DNAI7: variants seen among roughly 807,000 people sequenced by gnomAD.
DNAI7 encodes cancer susceptibility 1.
DNAI7 carries 78 observed loss-of-function variants against 86.6 expected under a neutral mutation model. The ratio of observed to expected loss-of-function variants is 0.90; its 90% CI spans 0.75 to 1.09. The LOEUF is 1.09. DNAI7 is among the 50% of genes least tolerant of loss of function. The pLI, the probability that DNAI7 is intolerant of heterozygous loss-of-function variation, is 0.00. For synonymous variants in DNAI7, 274 were observed against 273.0 expected (o/e 1.00, Z -0.04); for missense variants, 753 against 810.2 (o/e 0.93, Z 0.86).
intron 1 of DNAI7, among the ~76,000 whole-genome samples, chr12:25,193,265 C>T (rs1950699078): frequency 6.6e-6 from 1 of 152,078 alleles, no homozygotes; most frequent in African/African-American, 2.4e-5. Context: ...TAAGATGAAG[C>T]CATACTGAAT....
intron 2 of DNAI7, among the ~76,000 whole-genome samples, chr12:25,169,317 C>T (rs1050767151): frequency 6.6e-6 from 1 of 152,036 alleles, no homozygotes; most frequent in Non-Finnish European, 1.5e-5. Flanking sequence ...ACCTTGTGAC[C>T]CCCACTCCTG....
At chr12:25,117,696 G>T (rs1248661267) in intron 12 of DNAI7, among the ~76,000 whole-genome samples, 1 of 151,982 alleles carries the variant, frequency 6.6e-6, no homozygotes, top group East Asian at 1.9e-4. Context: ...TTTTGAATAA[G>T]CAATAATGTC....
chr12:25,174,371 G>GA (rs1565809786), intron 2 of DNAI7, among the ~76,000 whole-genome samples: 6,178 of 6,794 alleles, frequency 0.91, 2,971 homozygotes, highest in Middle Eastern at 1. Flanking sequence ...CCATATATAT[G>GA]TTATATCATA....
At chr12:25,148,002 G>C (rs894130881) in intron 7 of DNAI7, among the ~76,000 whole-genome samples, 13 of 152,148 alleles carry the variant, frequency 8.5e-5, no homozygotes, top group African/African-American at 3.1e-4. Context: ...GGAATCAGCT[G>C]TCATAAAGGG....
In DNAI7 at chr12:25,121,859, T is replaced by C; in HGVS notation, c.1133A>G (p.Asn378Ser). The C allele has an allele frequency of 1.3e-6, 2 of 1,595,170 alleles. No individual in the cohort carries two copies. Among genetic ancestry groups the C allele is most frequent in the East Asian group, 2.2e-5 (1 of 44,518 alleles). ...SSEKPDFFED[N>S]VVDLCQFTTL... ...TGTGAACTGGCATAAATCCACCACATTGTCTTCAAAGAAATCTGGCTTTTC... is the reference window on the plus strand; with the variant it reads ...TGTGAACTGGCATAAATCCACCACACTGTCTTCAAAGAAATCTGGCTTTTC... Residue 378 changes from asparagine (N) to serine (S), a missense_variant, in exon 11 of 16, where the codon AAT (asparagine) becomes AGT (serine). By Grantham distance (46) the Asn-to-Ser change is conservative. Coordinates refer to ENST00000395987, the MANE Select transcript of DNAI7 (RefSeq NM_018272.5).
intron 7 of DNAI7, among the ~76,000 whole-genome samples, chr12:25,147,482 C>CCT (rs1555170140): frequency 7.3e-5 from 11 of 150,640 alleles, no homozygotes; most frequent in Admixed American, 2.0e-4. Context: ...TGAGACCACC[C>CCT]CCATCTCTAC....
rs542800799 is a variant in DNAI7, at chr12:25,168,581, G to A, written c.22-7384C>T. On this transcript the variant is annotated intron_variant, in intron 2 of 15. Coordinates refer to ENST00000395987, the MANE Select transcript of DNAI7 (RefSeq NM_018272.5). Reference sequence around the variant, plus strand: ...GCAGTTGTCCTCCAAAACCGCCGAGGCCTTGACTTACTCACTGCTGAAAAA... The same window carrying A: ...GCAGTTGTCCTCCAAAACCGCCGAGACCTTGACTTACTCACTGCTGAAAAA... Among the ~76,000 whole-genome samples, 14 of 152,270 alleles carry A rather than the reference G, an allele frequency of 9.2e-5. No homozygotes were observed. In the East Asian group the frequency reaches 2.1e-3, roughly 23 times the overall value.
chr12:25,108,824 C>CAAAAAAAAAAAAAAAAAAAAAAA lies in DNAI7; in HGVS notation c.1894-2_1894-1insTTTTTTTTTTTTTTTTTTTTTTT. 6 of 113,408 alleles carry CAAAAAAAAAAAAAAAAAAAAAAA rather than the reference C, an allele frequency of 5.3e-5. No homozygotes were observed. The highest frequency in any genetic ancestry group is 1.0e-3 in the South Asian group (2 of 1,916). 7.0% of individuals were successfully genotyped at this position (113,408 alleles called of 1,614,324 possible). On this transcript the variant is annotated splice_acceptor_variant, in intron 15 of 15. Coordinates refer to ENST00000395987, the MANE Select transcript of DNAI7 (RefSeq NM_018272.5). LOFTEE classifies it high-confidence loss of function. ...ATGCTTCAGTAAGGTGTTCCCTCAC[C>CAAAAAAAAAAAAAAAAAAAAAAA]TAAAAAAAAAAAAAATTCAAGCAAG...
rs1950605036 is a variant in DNAI7 at position 25,192,385 on chromosome 12, G to GTGAATT, written c.4-1755_4-1754insAATTCA. On this transcript the variant is annotated intron_variant, in intron 1 of 15. Coordinates refer to ENST00000395987, the MANE Select transcript of DNAI7 (RefSeq NM_018272.5). ...TATATGTCATAATAGCCACTATGTA[G>GTGAATT]TGAAGTAGTTCTCAAAGTTCAGAGG... 1.3e-5 allele frequency among the ~76,000 whole-genome samples: 2 copies of GTGAATT among 152,188 alleles called. 1 individual carries two copies. The highest frequency in any genetic ancestry group is 1.3e-4 in the Admixed American group (2 of 15,272).
At chr12:25,144,962 C>T (rs749903475) in intron 8 of DNAI7, among the ~76,000 whole-genome samples, 1 of 152,146 alleles carries the variant, frequency 6.6e-6, no homozygotes, top group African/African-American at 2.4e-5. Context: ...TGATATTACT[C>T]AGTGCTCCAT....
At position 25,121,879 on chromosome 12, in the gene DNAI7, C is replaced by CT; in HGVS notation, c.1112dup (p.Pro372AlafsTer5). 1 of 1,591,544 alleles carries CT rather than the reference C, an allele frequency of 6.3e-7. No homozygotes were observed. The highest frequency in any genetic ancestry group is 1.4e-5 in the African/African-American group (1 of 73,542). On this transcript the variant is annotated frameshift_variant, in exon 11 of 16. Coordinates refer to ENST00000395987, the MANE Select transcript of DNAI7 (RefSeq NM_018272.5). LOFTEE classifies it high-confidence loss of function. The stretch of plus-strand genomic sequence containing the variant: ...CCACATTGTCTTCAAAGAAATCTGG[C>CT]TTTTCAGAAGAATTCTCTACCAGCA...
chr12:25,124,032 TTGTGTGTG>T (rs57454187), intron 9 of DNAI7, among the ~76,000 whole-genome samples: 5 of 144,574 alleles, frequency 3.5e-5, no homozygotes, highest in African/African-American at 7.5e-5. Flanking sequence ...AGTATAAAAA[TTGTGTGTG>T]TGTGTGTGTG....
In DNAI7 at chr12:25,169,434, G is replaced by C. The variant is rs544662220; in HGVS notation, c.22-8237C>G. On this transcript the variant is annotated intron_variant, in intron 2 of 15. Transcript: ENST00000395987. The stretch of plus-strand genomic sequence containing the variant: ...TTCGCTGACTCTCTTTTCGGACTCA[G>C]CCTACCTGCATCCAGGTGATTAAAA... Among the ~76,000 whole-genome samples the C allele has an allele frequency of 2.0e-5, 3 of 152,252 alleles. No homozygotes were observed. The East Asian group carries it at 5.8e-4, about 29-fold the overall frequency.
At chr12:25,107,078 C>T (rs373736527), downstream of DNAI7, 48 of 1,299,520 alleles carry the variant, frequency 3.7e-5, no homozygotes, top group Non-Finnish European at 5.2e-5. Context: ...TAAATTCTAC[C>T]ATTTTAGTGG....
In DNAI7 at chr12:25,182,369, C is replaced by T. The variant is rs371471280; in HGVS notation, c.21+8245G>A. ...TCTCAAAAAAAAAAAAAAAAAAAGA[C>T]ACCTGTACTAGTATTTTATTGTAGT... On this transcript the variant is annotated intron_variant, in intron 2 of 15. Transcript: ENST00000395987. Among the ~76,000 whole-genome samples, 4 of 140,546 alleles carry T rather than the reference C, an allele frequency of 2.8e-5. No individual in the cohort carries two copies. In the South Asian group the frequency reaches 9.1e-4, roughly 32 times the overall value. The allele number at this position is 140,546 out of a possible 152,430, so 92.2% of individuals were successfully genotyped here. A position where few individuals can be genotyped will look rare whatever the true frequency, so the allele number is the denominator to read the frequency against.
At chr12:25,166,342 C>T (rs895109657) in intron 2 of DNAI7, among the ~76,000 whole-genome samples, 3 of 152,102 alleles carry the variant, frequency 2.0e-5, no homozygotes, top group African/African-American at 7.2e-5. Context: ...AACCCATACA[C>T]TCTCCTATCC....
At chr12:25,143,436 G>A (rs1349922182) in intron 9 of DNAI7, among the ~76,000 whole-genome samples, 2 of 151,838 alleles carry the variant, frequency 1.3e-5, no homozygotes, top group African/African-American at 4.8e-5. Context: ...TTTTAGCAGA[G>A]ACAGGGTTTC....
chr12:25,180,764 T>A (rs1221664753), intron 2 of DNAI7, among the ~76,000 whole-genome samples: 1 of 152,070 alleles, frequency 6.6e-6, no homozygotes, highest in African/African-American at 2.4e-5. Context: ...CCCTAACTCT[T>A]AACATATATA....
In DNAI7 at chr12:25,150,398, AT is replaced by A. The variant is rs1228858973; in HGVS notation, c.439-625del. Among the ~76,000 whole-genome samples, 12 of 152,078 alleles carry A rather than the reference AT, an allele frequency of 7.9e-5. No homozygotes were observed. The East Asian group carries it at 2.3e-3, about 29-fold the overall frequency. The stretch of plus-strand genomic sequence containing the variant: ...GGCGGGCAGATCACGAGGTCAGGAG[AT>A]CAAGACTATCCTGGCTAACACAGTG... On this transcript the variant is annotated intron_variant, in intron 6 of 15. Transcript: ENST00000395987.
Sources: gnomAD v4.1 joint callset for allele counts (sites outside exome capture counted in the v4.1 genomes callset) on GRCh38, gnomAD v4.1.1 for gene constraint, MANE v1.5 for transcripts, NCBI Gene and HGNC (gene_info 2026-07-23, HGNC 2026-07-21) for gene names.